The following CPED1 variants were observed in gnomAD, a reference collection of about 807,000 sequenced individuals.
CPED1 encodes cadherin-like and PC-esterase domain-containing protein 1.
CPED1 carries 114 observed loss-of-function variants against 128.2 expected under a neutral mutation model. That is an observed-to-expected ratio of 0.89 (90% CI 0.76 to 1.04). The LOEUF (loss-of-function observed/expected upper bound fraction) is 1.04, where lower values mean the gene tolerates loss of function less well. Among genes scored for constraint, CPED1 ranks in the 50% least tolerant of loss-of-function variants. The pLI is 0.00. For missense variants in CPED1, 1,211 were observed against 1,207.1 expected (o/e 1.00, Z -0.05); for synonymous variants, 462 against 426.7 (o/e 1.08, Z -1.02).
At chr7:121,072,459 T>G (rs1794020026) in intron 5 of CPED1, among the ~76,000 whole-genome samples, 2 of 63,162 alleles carry the variant, frequency 3.2e-5, no homozygotes, top group Admixed American at 2.4e-4. Flanking sequence ...TTTCCATGCA[T>G]TCCAAGGCTG....
chr7:121,131,183 T>A (rs1377373196), intron 12 of CPED1, among the ~76,000 whole-genome samples: 1 of 152,148 alleles, frequency 6.6e-6, no homozygotes, highest in East Asian at 1.9e-4. Context: ...AAAACAGTTC[T>A]ATAAAAACTT....
intron 17 of CPED1, among the ~76,000 whole-genome samples, chr7:121,243,818 T>G (rs1798455924): frequency 6.6e-6 from 1 of 152,250 alleles, no homozygotes; most frequent in Non-Finnish European, 1.5e-5. Flanking sequence ...CCTATGCATG[T>G]GTTAGGCTAA....
At chr7:121,240,871 CTG>C (rs1320446587) in intron 17 of CPED1, among the ~76,000 whole-genome samples, 2 of 151,496 alleles carry the variant, frequency 1.3e-5, no homozygotes, top group East Asian at 3.9e-4. Context: ...ATGTGAACCT[CTG>C]TGAAGGAAAG....
At chr7:121,019,136 G>T (rs1792375528) in intron 3 of CPED1, among the ~76,000 whole-genome samples, 1 of 151,996 alleles carries the variant, frequency 6.6e-6, no homozygotes, top group African/African-American at 2.4e-5. Flanking sequence ...GAAGTAGGCA[G>T]TTTCGAGTCC....
chr7:121,004,578 C>T (rs1791956758), intron 2 of CPED1, among the ~76,000 whole-genome samples: 1 of 152,006 alleles, frequency 6.6e-6, no homozygotes, highest in Non-Finnish European at 1.5e-5. Flanking sequence ...GACAGCAGAG[C>T]TAGGAGAACA....
intron 5 of CPED1, among the ~76,000 whole-genome samples, chr7:121,095,111 G>A (rs905500443): frequency 2.6e-5 from 4 of 152,154 alleles, no homozygotes; most frequent in African/African-American, 9.7e-5. Context: ...GGAAGACTGT[G>A]TCATACAGCC....
At chr7:121,268,241 A>G (rs1792168347) in intron 21 of CPED1, among the ~76,000 whole-genome samples, 1 of 152,048 alleles carries the variant, frequency 6.6e-6, no homozygotes, top group African/African-American at 2.4e-5. Context: ...TCCACAATTC[A>G]TTCTTGAGGA....
At chr7:121,095,271 G>A (rs1794672389) in intron 5 of CPED1, among the ~76,000 whole-genome samples, 1 of 152,114 alleles carries the variant, frequency 6.6e-6, no homozygotes, top group South Asian at 2.1e-4. Context: ...AGCCCTTGAA[G>A]GCTATGCCAA....
chr7:121,147,488 G>A (rs1796049735), intron 16 of CPED1, among the ~76,000 whole-genome samples: 1 of 152,076 alleles, frequency 6.6e-6, no homozygotes, highest in African/African-American at 2.4e-5. Flanking sequence ...GCTAGAATAT[G>A]TAGTGTTTAG....
At chr7:121,158,503 T>C (rs112218256) in intron 16 of CPED1, among the ~76,000 whole-genome samples, 1 of 152,032 alleles carries the variant, frequency 6.6e-6, no homozygotes, top group African/African-American at 2.4e-5. Context: ...GCTCTTAACA[T>C]AGTCTAGCTC....
intron 16 of CPED1, among the ~76,000 whole-genome samples, chr7:121,228,486 A>T (rs1252767438): frequency 6.6e-6 from 1 of 151,868 alleles, no homozygotes; most frequent in Non-Finnish European, 1.5e-5. Flanking sequence ...GACAAAAAAA[A>T]TAGATGTTGG....
chr7:121,150,861 TG>T (rs1213060343), intron 16 of CPED1, among the ~76,000 whole-genome samples: 3 of 152,010 alleles, frequency 2.0e-5, no homozygotes, highest in African/African-American at 7.2e-5. Context: ...CTCCACCTCC[TG>T]GGGTCAAGCG....
chr7:121,069,150 G>C (rs1288305957), intron 5 of CPED1, among the ~76,000 whole-genome samples: 1 of 152,106 alleles, frequency 6.6e-6, no homozygotes, highest in African/African-American at 2.4e-5. Context: ...AATGTGGTCA[G>C]TGCCTCTGTT....
chr7:121,158,055 T>C (rs1382314926), intron 16 of CPED1, among the ~76,000 whole-genome samples: 2 of 152,220 alleles, frequency 1.3e-5, no homozygotes, highest in Non-Finnish European at 2.9e-5. Flanking sequence ...TTCATTACTT[T>C]AATAACCCTC....
At chr7:121,156,866 G>A (rs1796297642) in intron 16 of CPED1, among the ~76,000 whole-genome samples, 1 of 152,106 alleles carries the variant, frequency 6.6e-6, no homozygotes, top group Non-Finnish European at 1.5e-5. Flanking sequence ...GTGCAATACT[G>A]TAAACTTGAA....
At chr7:121,101,363 A>G (rs1455502618) in intron 7 of CPED1, among the ~76,000 whole-genome samples, 1 of 151,898 alleles carries the variant, frequency 6.6e-6, no homozygotes, top group Admixed American at 6.6e-5. Context: ...TTTCAATTTG[A>G]GTCTGATGTC....
In CPED1 at chr7:121,141,985, C is replaced by T. The variant is rs530890465; in HGVS notation, c.1899C>T (p.Tyr633=). 2 of 1,611,974 alleles carry T rather than the reference C, an allele frequency of 1.2e-6. No homozygotes were observed. The highest frequency in any genetic ancestry group is 2.2e-5 in the East Asian group (1 of 44,844). Residue 633 remains tyrosine (Y), a synonymous_variant, in exon 16 of 23, where the codon TAC becomes TAT. Transcript: ENST00000310396. ...TCTTTCTCTCCAGCTTTGCCAGCTA[C>T]CCTCTGGGCTTAGGAATGAACAAAA... ...YEQAGPSFAS[Y]PLGLGMNKIS...
chr7:121,098,584 T>G (rs1794755277), intron 6 of CPED1, among the ~76,000 whole-genome samples: 1 of 150,956 alleles, frequency 6.6e-6, no homozygotes, highest in South Asian at 2.1e-4. Flanking sequence ...ATAGAAAAAT[T>G]AGCCAGGCAC....
chr7:121,188,872 G>A (rs1797062617), intron 16 of CPED1, among the ~76,000 whole-genome samples: 2 of 152,150 alleles, frequency 1.3e-5, no homozygotes, highest in Non-Finnish European at 2.9e-5. Context: ...AGAGAGAAGA[G>A]AAGACTAGGA....
Sources: gnomAD v4.1 joint callset for allele counts (sites outside exome capture counted in the v4.1 genomes callset) on GRCh38, gnomAD v4.1.1 for gene constraint, MANE v1.5 for transcripts, NCBI Gene and HGNC (gene_info 2026-07-23, HGNC 2026-07-21) for gene names.